TPH2: variants seen among roughly 807,000 people sequenced by gnomAD.
The protein encoded by TPH2 is tryptophan hydroxylase 2, also known as tryptophan 5-hydroxylase 2.
In TPH2, 27 loss-of-function variants were observed where a neutral mutation model predicts 59.1. The ratio of observed to expected loss-of-function variants is 0.46; its 90% CI spans 0.34 to 0.63. TPH2 has a LOEUF of 0.63. Ranked by LOEUF, TPH2 falls within the 30% of genes least tolerant of loss-of-function variation. TPH2 has a pLI of 0.01. For missense variants in TPH2, 523 were observed against 588.3 expected (o/e 0.89, Z 1.15); for synonymous variants, 220 against 210.5 (o/e 1.05, Z -0.39).
At chr12:71,998,186 C>A (rs1226279219) in intron 8 of TPH2, among the ~76,000 whole-genome samples, 1 of 152,142 alleles carries the variant, frequency 6.6e-6, no homozygotes, top group Non-Finnish European at 1.5e-5. Context: ...ACTCATTTCT[C>A]TTTTCTTGAT....
chr12:72,025,778 G>A (rs1873551205), intron 9 of TPH2, among the ~76,000 whole-genome samples: 2 of 152,168 alleles, frequency 1.3e-5, no homozygotes, highest in South Asian at 4.1e-4. Flanking sequence ...TTAAAGAAAA[G>A]GTTGAAAGTA....
chr12:71,968,983 A>G (rs1248906470), intron 5 of TPH2, among the ~76,000 whole-genome samples: 1 of 152,222 alleles, frequency 6.6e-6, no homozygotes, highest in Non-Finnish European at 1.5e-5. Flanking sequence ...ACATAGGCCC[A>G]TAGAAAGATG....
chr12:71,954,322 T>C (rs1210970155), intron 5 of TPH2, among the ~76,000 whole-genome samples: 4 of 152,166 alleles, frequency 2.6e-5, no homozygotes, highest in Admixed American at 6.5e-5. Context: ...GCCTCACCAA[T>C]AATAGCGCAG....
At chr12:71,939,395 CAAA>C (rs5799057) in intron 1 of TPH2, among the ~76,000 whole-genome samples, 9 of 121,652 alleles carry the variant, frequency 7.4e-5, no homozygotes, top group East Asian at 4.6e-4. Context: ...AATCTACAGC[CAAA>C]AAAAAAAAAA....
At chr12:71,967,472 C>T (rs1293305797) in intron 5 of TPH2, among the ~76,000 whole-genome samples, 1 of 152,174 alleles carries the variant, frequency 6.6e-6, no homozygotes, top group African/African-American at 2.4e-5. Context: ...GGTTCCATAT[C>T]GATGCTCATA....
Position 71,992,602 on chromosome 12 carries a change from TA to T in TPH2, c.942-1826del, listed in dbSNP as rs903411110. Among the ~76,000 whole-genome samples the T allele has an allele frequency of 3.9e-3, 575 of 145,586 alleles. 5 individuals are homozygous for T. Among genetic ancestry groups the T allele is most frequent in the African/African-American group, 0.013 (532 of 39,940 alleles). ...CCGAGCAACAAAGGGAGACCCTGATTAAAAAAAAAAAGTCTCTGTCTTTGCC... is the reference window on the plus strand; with the variant it reads ...CCGAGCAACAAAGGGAGACCCTGATTAAAAAAAAAAGTCTCTGTCTTTGCC... On this transcript the variant is annotated intron_variant, in intron 7 of 10. Coordinates refer to ENST00000333850, the MANE Select transcript of TPH2 (RefSeq NM_173353.4).
chr12:71,994,751 T>G (rs1052009241), intron 8 of TPH2, among the ~76,000 whole-genome samples, 186 bp downstream of exon 8: 3 of 152,196 alleles, frequency 2.0e-5, no homozygotes, highest in African/African-American at 4.8e-5. Context: ...CCAAAACATT[T>G]GTATTTTATC....
At chr12:71,942,128 T>A (rs1317807880) in intron 2 of TPH2, among the ~76,000 whole-genome samples, 2 of 152,210 alleles carry the variant, frequency 1.3e-5, no homozygotes, top group Non-Finnish European at 2.9e-5. Flanking sequence ...ATGTTTATTA[T>A]GAAAAACTGA....
chr12:71,961,717 G>T lies in TPH2; in HGVS notation c.609-10802G>T, dbSNP rs116347758. Reference sequence around the variant, plus strand: ...ATTTAATTTCATGATAGTTTTTGCAGATGAAAATCACTTCTCTAGAATATG... The same window carrying T: ...ATTTAATTTCATGATAGTTTTTGCATATGAAAATCACTTCTCTAGAATATG... On this transcript the variant is annotated intron_variant, in intron 5 of 10. Coordinates refer to ENST00000333850, the MANE Select transcript of TPH2 (RefSeq NM_173353.4). 1.9e-3 allele frequency: 2,501 copies of T among 1,348,468 alleles called. 30 individuals are homozygous for T. In the African/African-American group the frequency reaches 0.028, roughly 15 times the overall value. The allele number at this position is 1,348,468 out of a possible 1,614,324, so 83.5% of individuals were successfully genotyped here.
chr12:71,943,101 TG>T (rs1240456158), intron 2 of TPH2, among the ~76,000 whole-genome samples: 1 of 152,228 alleles, frequency 6.6e-6, no homozygotes, highest in Non-Finnish European at 1.5e-5. Context: ...TGAAGTCTAT[TG>T]GGCCTTGAAC....
chr12:72,029,872 C>T (rs1592419835), intron 9 of TPH2, among the ~76,000 whole-genome samples: 1 of 152,222 alleles, frequency 6.6e-6, no homozygotes, highest in African/African-American at 2.4e-5. Context: ...GTAAATCATT[C>T]CATGCATTTT....
At chr12:72,011,816 T>C (rs183191994) in intron 8 of TPH2, among the ~76,000 whole-genome samples, 1 of 152,270 alleles carries the variant, frequency 6.6e-6, no homozygotes, top group East Asian at 1.9e-4. Context: ...GCCTGTGGTG[T>C]CTTAGGGCCT....
intron 8 of TPH2, among the ~76,000 whole-genome samples, chr12:72,015,570 C>T (rs749910266): frequency 7.2e-5 from 11 of 152,022 alleles, no homozygotes; most frequent in Non-Finnish European, 1.5e-4. Context: ...CCACCCGCGT[C>T]GGTCTCCCAA....
At chr12:72,024,453 A>G (rs887109571) in intron 9 of TPH2, among the ~76,000 whole-genome samples, 15 of 152,258 alleles carry the variant, frequency 9.9e-5, no homozygotes, top group Non-Finnish European at 2.1e-4. Context: ...TTTAAAAAGT[A>G]AATTCTCAAC....
intron 5 of TPH2, among the ~76,000 whole-genome samples, chr12:71,969,211 A>G (rs1566129843): frequency 1.3e-5 from 2 of 152,144 alleles, no homozygotes; most frequent in Non-Finnish European, 2.9e-5. Context: ...TGAACCCGGG[A>G]GGCGGAGCTT....
At chr12:71,994,879 A>T (rs950655343) in intron 8 of TPH2, among the ~76,000 whole-genome samples, 1 of 152,224 alleles carries the variant, frequency 6.6e-6, no homozygotes, top group Non-Finnish European at 1.5e-5. Context: ...GAAAGCAGCC[A>T]CAGACAACAA....
At chr12:72,029,637 G>A (rs923920391) in intron 9 of TPH2, among the ~76,000 whole-genome samples, 3 of 152,148 alleles carry the variant, frequency 2.0e-5, no homozygotes, top group Admixed American at 1.3e-4. Context: ...ATTTGCAAGT[G>A]TAGTGACCTT....
chr12:71,966,651 T>G (rs565203465), intron 5 of TPH2, among the ~76,000 whole-genome samples: 152 of 152,336 alleles, frequency 1.0e-3, no homozygotes, highest in Non-Finnish European at 1.7e-3. Flanking sequence ...ATTCACCCAT[T>G]CCCTTACCCA....
At chr12:71,959,062 ATT>A (rs34121208) in intron 5 of TPH2, among the ~76,000 whole-genome samples, 2 of 146,702 alleles carry the variant, frequency 1.4e-5, no homozygotes, top group African/African-American at 2.5e-5. Context: ...AGAGAAGGGC[ATT>A]TTTTTTTTTT....
Sources: gnomAD v4.1 joint callset for allele counts (sites outside exome capture counted in the v4.1 genomes callset) on GRCh38, gnomAD v4.1.1 for gene constraint, MANE v1.5 for transcripts, NCBI Gene and HGNC (gene_info 2026-07-23, HGNC 2026-07-21) for gene names.